Variants in CNTN5 observed in about 807,000 individuals in gnomAD.
The protein encoded by CNTN5 is contactin 5.
A neutral mutation model predicts 129.1 loss-of-function variants in CNTN5; 77 were observed. The observed-to-expected ratio is 0.60, with a 90% CI of 0.50 to 0.72. The LOEUF (loss-of-function observed/expected upper bound fraction) is 0.72, where lower values mean the gene tolerates loss of function less well. Among genes scored for constraint, CNTN5 ranks in the 30% least tolerant of loss-of-function variants. The pLI is 0.00. For missense variants in CNTN5, 1,478 were observed against 1,328.8 expected, an observed-to-expected ratio of 1.11 and a Z score of -1.75; for synonymous variants, 509 against 465.6, an observed-to-expected ratio of 1.09 and a Z score of -1.20.
Position 100,234,792 on chromosome 11 carries a change from TAAA to T in CNTN5, c.2005+10003_2005+10005del, listed in dbSNP as rs781363668. Among the ~76,000 whole-genome samples, 1,014 of 102,084 alleles carry T rather than the reference TAAA, an allele frequency of 9.9e-3. 14 individuals carry two copies. The highest frequency in any genetic ancestry group is 0.034 in the African/African-American group (965 of 28,074). The allele number at this position is 102,084 out of a possible 152,430, so 67.0% of individuals were successfully genotyped here. A position where few individuals can be genotyped will look rare whatever the true frequency, so the allele number is the denominator to read the frequency against. On this transcript the variant is annotated intron_variant, in intron 16 of 24. Transcript: ENST00000524871. ...CATTCTGCACATGTATCCCAGAATTTAAAAAAAAAAAAAAAAAAAAAAAAAGAA... is the reference window on the plus strand; with the variant it reads ...CATTCTGCACATGTATCCCAGAATTTAAAAAAAAAAAAAAAAAAAAAAGAA...
intron 16 of CNTN5, among the ~76,000 whole-genome samples, chr11:100,242,529 G>T (rs1949763086): frequency 6.6e-6 from 1 of 152,128 alleles, no homozygotes; most frequent in East Asian, 1.9e-4. Flanking sequence ...TACAATCATG[G>T]TGGAATGCAA....
chr11:99,650,278 T>A (rs1478549880), intron 3 of CNTN5, among the ~76,000 whole-genome samples: 1 of 151,912 alleles, frequency 6.6e-6, no homozygotes, highest in Non-Finnish European at 1.5e-5. Flanking sequence ...GTGTTTTCTT[T>A]CCTCATCAGC....
Position 100,233,335 on chromosome 11 carries a change from G to A in CNTN5, c.2005+8523G>A, listed in dbSNP as rs115282163. Among the ~76,000 whole-genome samples the A allele has an allele frequency of 3.5e-3, 531 of 152,230 alleles. 1 individual carries two copies. The highest frequency in any genetic ancestry group is 0.012 in the African/African-American group (501 of 41,554). On this transcript the variant is annotated intron_variant, in intron 16 of 24. Coordinates refer to ENST00000524871, the MANE Select transcript of CNTN5 (RefSeq NM_014361.4). ...GTACTGTAAGAAACAAGAGAATGGC[G>A]TGACAAACTTTGCCTAGGAGTCAGA...
chr11:99,710,729 A>G (rs751003453), intron 3 of CNTN5, among the ~76,000 whole-genome samples: 2 of 151,852 alleles, frequency 1.3e-5, no homozygotes, highest in African/African-American at 2.4e-5. Flanking sequence ...AGGACTATTA[A>G]TGCCTCCAAA....
At chr11:99,162,470 A>G (rs899726017) in intron 1 of CNTN5, among the ~76,000 whole-genome samples, 1 of 152,186 alleles carries the variant, frequency 6.6e-6, no homozygotes, top group African/African-American at 2.4e-5. Context: ...TGCTTGGTGA[A>G]TCAAAGACTG....
At chr11:99,361,322 C>T (rs1010069746) in intron 2 of CNTN5, among the ~76,000 whole-genome samples, 6 of 152,124 alleles carry the variant, frequency 3.9e-5, no homozygotes, top group Non-Finnish European at 8.8e-5. Context: ...TTTGTTATAG[C>T]AACCAAAATG....
At chr11:99,559,521 T>C (rs892737708) in intron 3 of CNTN5, among the ~76,000 whole-genome samples, 2 of 152,142 alleles carry the variant, frequency 1.3e-5, no homozygotes, top group African/African-American at 4.8e-5. Flanking sequence ...TCAAAATGGC[T>C]AAAATCCAAA....
chr11:99,513,715 T>C (rs1946931626), intron 2 of CNTN5, among the ~76,000 whole-genome samples: 1 of 142,576 alleles, frequency 7.0e-6, no homozygotes, highest in Admixed American at 7.1e-5. Flanking sequence ...AACCCACTAT[T>C]GAGATTTAAT....
intron 2 of CNTN5, among the ~76,000 whole-genome samples, chr11:99,348,342 C>CA (rs1292807602): frequency 2.6e-5 from 4 of 151,976 alleles, no homozygotes; most frequent in Non-Finnish European, 4.4e-5. Flanking sequence ...CCGTCCCCCC[C>CA]AAAAAAATAC....
At chr11:99,818,312 G>A (rs1334201612) in intron 3 of CNTN5, among the ~76,000 whole-genome samples, 1 of 151,320 alleles carries the variant, frequency 6.6e-6, no homozygotes, top group African/African-American at 2.4e-5. Context: ...CTGGAGTACA[G>A]TGGCATGATC....
intron 1 of CNTN5, among the ~76,000 whole-genome samples, chr11:99,076,684 G>A (rs919781682): frequency 2.0e-5 from 3 of 152,098 alleles, no homozygotes; most frequent in Middle Eastern, 3.4e-3. Context: ...TATGTCTACT[G>A]TAGTATGACA....
At chr11:100,267,747 G>A (rs555899076) in intron 17 of CNTN5, among the ~76,000 whole-genome samples, 22 of 152,246 alleles carry the variant, frequency 1.4e-4, no homozygotes, top group South Asian at 8.3e-4. Context: ...GGTTTTCACC[G>A]TCAGAGAAAT....
At chr11:99,023,183 C>G (rs1862961535) in intron 1 of CNTN5, among the ~76,000 whole-genome samples, 1 of 152,102 alleles carries the variant, frequency 6.6e-6, no homozygotes, top group Non-Finnish European at 1.5e-5. Context: ...GGGAGCCAAC[C>G]TGAAATCAAA....
intron 2 of CNTN5, among the ~76,000 whole-genome samples, chr11:99,474,564 G>A (rs1464582448): frequency 6.6e-6 from 1 of 151,816 alleles, no homozygotes; most frequent in African/African-American, 2.4e-5. Context: ...ATTTATTTTT[G>A]CAGATGAAAC....
chr11:99,071,491 G>A (rs942394923), intron 1 of CNTN5, among the ~76,000 whole-genome samples: 7 of 152,146 alleles, frequency 4.6e-5, no homozygotes, highest in East Asian at 1.9e-4. Context: ...AATTTTGCAC[G>A]TAATATATGG....
chr11:99,582,215 C>T (rs1395654517), intron 3 of CNTN5, among the ~76,000 whole-genome samples: 1 of 152,168 alleles, frequency 6.6e-6, no homozygotes, highest in Non-Finnish European at 1.5e-5. Flanking sequence ...TGATGGGCTT[C>T]CATTTGTGGG....
chr11:99,248,270 G>T (rs889472347), intron 1 of CNTN5, among the ~76,000 whole-genome samples: 5 of 152,142 alleles, frequency 3.3e-5, no homozygotes, highest in African/African-American at 7.2e-5. Context: ...CTTTTGAGAA[G>T]TGTCTGTTCA....
At chr11:100,276,514 AG>A (rs1950515060) in intron 18 of CNTN5, among the ~76,000 whole-genome samples, 1 of 135,192 alleles carries the variant, frequency 7.4e-6, no homozygotes, top group Non-Finnish European at 1.6e-5. Context: ...TGGGTGACAG[AG>A]TGAGACTCTC....
intron 2 of CNTN5, among the ~76,000 whole-genome samples, chr11:99,347,937 T>C (rs1359008639): frequency 6.6e-6 from 1 of 152,210 alleles, no homozygotes; most frequent in African/African-American, 2.4e-5. Context: ...TAGGCAAAAA[T>C]ATTCTGCTTC....
Sources: allele counts gnomAD v4.1 joint callset (sites outside exome capture counted in the v4.1 genomes callset), GRCh38; gene constraint gnomAD v4.1.1; transcripts MANE v1.5; gene names NCBI Gene and HGNC (gene_info 2026-07-23, HGNC 2026-07-21).